The following ITGA3 variants were observed in gnomAD, a reference collection of about 807,000 sequenced individuals.
The protein encoded by ITGA3 is integrin subunit alpha 3.
Under a neutral mutation model 131.1 loss-of-function variants are expected in ITGA3, and 70 were observed. The observed-to-expected ratio is 0.53, with a 90% CI of 0.44 to 0.65. ITGA3 has a LOEUF of 0.65. ITGA3 is among the 30% of genes least tolerant of loss of function. The pLI is 0.00. For synonymous variants in ITGA3, 537 were observed against 571.6 expected (o/e 0.94, Z 0.86); for missense variants, 1,098 against 1,388.6 (o/e 0.79, Z 3.33).
At chr17:50,073,137 A>G (rs886876167) in intron 7 of ITGA3, among the ~76,000 whole-genome samples, 5 of 152,160 alleles carry the variant, frequency 3.3e-5, no homozygotes, top group African/African-American at 1.2e-4. Flanking sequence ...TGGCTTGCTG[A>G]TTCCCTAGGC....
chr17:50,084,965 C>T (rs565533767), intron 23 of ITGA3, among the ~76,000 whole-genome samples: 6 of 152,190 alleles, frequency 3.9e-5, no homozygotes, highest in African/African-American at 1.4e-4. Flanking sequence ...GTAATCCCAG[C>T]ACTTTGGGAG....
intron 4 of ITGA3, among the ~76,000 whole-genome samples, chr17:50,069,397 G>A (rs770888479): frequency 2.6e-5 from 4 of 152,188 alleles, no homozygotes; most frequent in Non-Finnish European, 5.9e-5. Context: ...CAGGTGCAGT[G>A]GCTCATGCCT....
Position 50,072,068 on chromosome 17 carries a change from C to T in ITGA3, c.1042C>T (p.Gln348Ter), listed in dbSNP as rs773739927. 6 of 1,613,974 alleles carry T rather than the reference C, an allele frequency of 3.7e-6. No individual in the cohort carries two copies. The highest frequency in any genetic ancestry group is 5.1e-6 in the Non-Finnish European group (6 of 1,180,020). The part of the protein sequence containing the change: ...VGGAIYVFMN[Q>*]AGTSFPAHPS... ...GGGTGCCATCTATGTCTTCATGAAC[C>T]AGGCGGGAACCTCCTTCCCTGCTCA... The change falls in exon 7 of 26, where the codon CAG (glutamine) becomes TAG (stop). Residue 348 changes from glutamine to a stop codon, truncating the protein, a stop_gained. Transcript: ENST00000320031. LOFTEE classifies it high-confidence loss of function.
chr17:50,066,700 C>T lies in ITGA3; in HGVS notation c.415-1356C>T, dbSNP rs145232016. Among the ~76,000 whole-genome samples, 589 of 151,970 alleles carry T rather than the reference C, an allele frequency of 3.9e-3. 4 individuals are homozygous for T. Among genetic ancestry groups the T allele is most frequent in the African/African-American group, 0.013 (551 of 41,412 alleles). Reference sequence around the variant, plus strand: ...TGAGGTGGGAGGATCACTTGAACCCCGGAGAGAAAGGTTGGAGTGAGCTGA... The same window carrying T: ...TGAGGTGGGAGGATCACTTGAACCCTGGAGAGAAAGGTTGGAGTGAGCTGA... On this transcript the variant is annotated intron_variant, in intron 3 of 25. Transcript: ENST00000320031.
intron 21 of ITGA3, among the ~76,000 whole-genome samples, 193 bp downstream of exon 21, chr17:50,079,750 T>C (rs1373254728): frequency 6.6e-6 from 1 of 152,158 alleles, no homozygotes; most frequent in African/African-American, 2.4e-5. Flanking sequence ...TGGGGGAGGA[T>C]TGAAGACAAG....
intron 18 of ITGA3, 70 bp from the exon 19 acceptor site, chr17:50,078,754 G>T (rs1322716113): frequency 1.1e-6 from 1 of 869,742 alleles, no homozygotes; most frequent in African/African-American, 1.7e-5. Flanking sequence ...GCCAGCTTTG[G>T]TGCCCACCCC....
intron 3 of ITGA3, among the ~76,000 whole-genome samples, chr17:50,066,565 AG>A (rs1278988901): frequency 4.6e-5 from 7 of 151,788 alleles, no homozygotes; most frequent in African/African-American, 1.7e-4. Flanking sequence ...GTTTGAGCCT[AG>A]GAGTTTGTGA....
intron 7 of ITGA3, 56 bp from the exon 8 acceptor site, chr17:50,073,860 G>T: frequency 1.6e-6 from 2 of 1,280,544 alleles, no homozygotes; most frequent in Non-Finnish European, 2.3e-6. Flanking sequence ...CAAAGAGTTA[G>T]GGAGACGTGG....
At chr17:50,065,242 A>T (rs1371488255) in intron 3 of ITGA3, 1 of 152,222 alleles carries the variant, frequency 6.6e-6, no homozygotes, top group African/African-American at 2.4e-5. Flanking sequence ...TGGTGCTCAT[A>T]TGATGCCACC....
intron 1 of ITGA3, among the ~76,000 whole-genome samples, chr17:50,057,231 AAGAG>A (rs1907871930): frequency 6.6e-6 from 1 of 152,086 alleles, no homozygotes; most frequent in Non-Finnish European, 1.5e-5. Context: ...GGGGCGGTGA[AAGAG>A]AGAGGAGGAC....
At chr17:50,073,830 C>T (rs1908746235) in intron 7 of ITGA3, 86 bp from the exon 8 acceptor site, 4 of 941,768 alleles carry the variant, frequency 4.2e-6, no homozygotes, top group Admixed American at 3.5e-5. Context: ...CAGTTCTGTG[C>T]TGGGCTGTAT....
chr17:50,078,818 C>A lies in ITGA3; in HGVS notation c.2298-6C>A. The stretch of plus-strand genomic sequence containing the variant: ...CCCGTGACTCCAGCATCCTTCTTAC[C>A]CCTAGGGTAAATCACCGGCTACAAA... On this transcript the variant is annotated splice_region_variant and splice_polypyrimidine_tract_variant and intron_variant, in intron 18 of 25. Coordinates refer to ENST00000320031, the MANE Select transcript of ITGA3 (RefSeq NM_002204.4). 1 of 1,583,286 alleles carries A rather than the reference C, an allele frequency of 6.3e-7. No individual in the cohort carries two copies. Among genetic ancestry groups the A allele is most frequent in the East Asian group, 2.2e-5 (1 of 44,716 alleles).
chr17:50,076,102 G>A (rs1908877362), intron 12 of ITGA3, among the ~76,000 whole-genome samples: 1 of 152,012 alleles, frequency 6.6e-6, no homozygotes, highest in Admixed American at 6.6e-5. Context: ...TGGATGGGGA[G>A]GTGAAGGGAC....
At chr17:50,070,754 G>T in intron 4 of ITGA3, 90 bp from the exon 5 acceptor site, 1 of 721,556 alleles carries the variant, frequency 1.4e-6, no homozygotes. Flanking sequence ...CTTGTTGGGT[G>T]GGGGTGGGGG....
intron 23 of ITGA3, among the ~76,000 whole-genome samples, chr17:50,081,720 C>T (rs1909194090): frequency 6.6e-6 from 1 of 152,188 alleles, no homozygotes; most frequent in Non-Finnish European, 1.5e-5. Context: ...CTGGGACTGC[C>T]TCTCTATTTT....
In ITGA3 at chr17:50,079,102, G is replaced by A. The variant is rs1909060202; in HGVS notation, c.2427G>A (p.Val809=). The A allele has an allele frequency of 1.2e-6, 2 of 1,613,738 alleles. No homozygotes were observed. The highest frequency in any genetic ancestry group is 1.1e-5 in the South Asian group (1 of 91,068). ...FQVGPMGEGL[V]GLGTLVLGLE... Reference sequence around the variant, plus strand: ...TGGGCCCAATGGGGGAGGGGCTGGTGGGCCTGGGGACCCTGGTCCTAGGTC... The same window carrying A: ...TGGGCCCAATGGGGGAGGGGCTGGTAGGCCTGGGGACCCTGGTCCTAGGTC... Residue 809 remains valine, a synonymous_variant, in exon 20 of 26, where the codon GTG becomes GTA. Coordinates refer to ENST00000320031, the MANE Select transcript of ITGA3 (RefSeq NM_002204.4).
intron 13 of ITGA3, 37 bp downstream of exon 13, chr17:50,076,512 G>A (rs112857195): frequency 4.8e-5 from 77 of 1,601,306 alleles, no homozygotes; most frequent in Non-Finnish European, 6.2e-5. Context: ...AAGACCAGGG[G>A]CCAGAAGGGC....
At position 50,077,407 on chromosome 17, in the gene ITGA3, T is replaced by C; in HGVS notation, c.2099T>C (p.Ile700Thr). The change falls in exon 16 of 26, where the codon ATC becomes ACC. Residue 700 changes from isoleucine (I) to threonine (T), a missense_variant. Around this residue, in one of 3 missense-constraint regions of ITGA3, gnomAD observed 699 missense variants for 829.2 expected, o/e 0.84. Coordinates refer to ENST00000320031, the MANE Select transcript of ITGA3 (RefSeq NM_002204.4). ...GGGGCCTGCCAAGCTAATGAGACCATCTTTTGCGAGCTGGGGAACCCCTTC... is the reference window on the plus strand; with the variant it reads ...GGGGCCTGCCAAGCTAATGAGACCACCTTTTGCGAGCTGGGGAACCCCTTC... ...PPGACQANET[I>T]FCELGNPFKR... is the part of the protein sequence containing the mutation. 1 of 1,614,092 alleles carries C rather than the reference T, an allele frequency of 6.2e-7. No individual in the cohort carries two copies. Among genetic ancestry groups the C allele is most frequent in the Non-Finnish European group, 8.5e-7 (1 of 1,179,958 alleles).
At chr17:50,072,979 GA>G (rs144376616) in intron 7 of ITGA3, among the ~76,000 whole-genome samples, 6,531 of 152,196 alleles carry the variant, frequency 0.043, 220 homozygotes, top group Non-Finnish European at 0.071. Context: ...ACATAGCTGA[GA>G]ACCAAGAGGA....
Sources: gnomAD v4.1 joint callset for allele counts (sites outside exome capture counted in the v4.1 genomes callset) on GRCh38, gnomAD v4.1.1 for gene constraint, gnomAD v4.1.1 regional missense constraint, MANE v1.5 for transcripts, NCBI Gene and HGNC (gene_info 2026-07-23, HGNC 2026-07-21) for gene names.